PLEKHG7: variants seen among roughly 807,000 people sequenced by gnomAD.
The protein encoded by PLEKHG7 is pleckstrin homology and RhoGEF domain containing G7.
In PLEKHG7, 77 loss-of-function variants were observed where a neutral mutation model predicts 85.2. The observed-to-expected ratio is 0.90, with a 90% CI of 0.75 to 1.09. The LOEUF (loss-of-function observed/expected upper bound fraction) is 1.09, where lower values mean the gene tolerates loss of function less well. Among genes scored for constraint, PLEKHG7 ranks in the 50% least tolerant of loss-of-function variants. The pLI, the probability that PLEKHG7 is intolerant of heterozygous loss-of-function variation, is 0.00. For synonymous variants in PLEKHG7, 301 were observed against 302.4 expected, an observed-to-expected ratio of 1.00 and a Z score of 0.05; for missense variants, 777 against 804.3, an observed-to-expected ratio of 0.97 and a Z score of 0.41.
At chr12:92,766,031 C>A (rs1222629014) in intron 15 of PLEKHG7, among the ~76,000 whole-genome samples, 1 of 152,130 alleles carries the variant, frequency 6.6e-6, no homozygotes, top group Non-Finnish European at 1.5e-5. Context: ...ATCTGCCAAG[C>A]CAGACAGCAG....
intron 5 of PLEKHG7, among the ~76,000 whole-genome samples, chr12:92,736,025 G>A (rs1167409181): frequency 6.6e-6 from 1 of 151,918 alleles, no homozygotes; most frequent in African/African-American, 2.4e-5. Flanking sequence ...TTATTGTTTG[G>A]GGCAACTCGC....
rs1873112114 is a variant in PLEKHG7, at chr12:92,764,030, G to A, written c.1717-11G>A. 2 of 1,589,614 alleles carry A rather than the reference G, an allele frequency of 1.3e-6. No individual in the cohort carries two copies. The highest frequency in any genetic ancestry group is 1.7e-6 in the Non-Finnish European group (2 of 1,168,548). On this transcript the variant is annotated splice_polypyrimidine_tract_variant and intron_variant, in intron 14 of 16. Transcript: ENST00000344636. ...TCTTGTTTATTGCATTATTTTTCTTGTTAATTTCAGAAACTTGGAGGCTCA... is the reference window on the plus strand; with the variant it reads ...TCTTGTTTATTGCATTATTTTTCTTATTAATTTCAGAAACTTGGAGGCTCA...
At chr12:92,712,192 T>C (rs1035733906) in intron 3 of PLEKHG7, among the ~76,000 whole-genome samples, 3 of 152,380 alleles carry the variant, frequency 2.0e-5, no homozygotes. Flanking sequence ...ATCAGTGTAA[T>C]GGACCAGTGT....
Position 92,707,000 on chromosome 12 carries a change from G to T in PLEKHG7, c.369G>T (p.Glu123Asp), listed in dbSNP as rs200496714. The stretch of plus-strand genomic sequence containing the variant: ...CCCTGAATGCAGCTGACTCACTGGA[G>T]CCCCAAACCCGGCCCACTGACAAGT... ...ERALNAADSLEPQTRPTDKYL... is the reference protein window; with the variant it reads ...ERALNAADSLDPQTRPTDKYL... The change falls in exon 2 of 17, where the codon GAG (glutamate) becomes GAT (aspartate). Residue 123 changes from glutamate to aspartate, a missense_variant. Physicochemically the swap from Glu to Asp is conservative, Grantham distance 45. This residue lies in a region of PLEKHG7 where 252 missense variants were observed against 241.9 expected (regional missense o/e 1.04). Coordinates refer to ENST00000344636, the MANE Select transcript of PLEKHG7 (RefSeq NM_001377329.1). 4.3e-6 allele frequency: 7 copies of T among 1,614,046 alleles called. No homozygotes were observed. Among genetic ancestry groups the T allele is most frequent in the Non-Finnish European group, 5.9e-6 (7 of 1,180,008 alleles).
chr12:92,755,262 C>A (rs1872795488), intron 11 of PLEKHG7, among the ~76,000 whole-genome samples: 1 of 152,136 alleles, frequency 6.6e-6, no homozygotes, highest in South Asian at 2.1e-4. Flanking sequence ...CTGAAGGTTC[C>A]ACTAACAATG....
chr12:92,755,982 A>G (rs764523375), intron 12 of PLEKHG7, 42 bp downstream of exon 12: 3 of 1,359,438 alleles, frequency 2.2e-6, no homozygotes, highest in Non-Finnish European at 3.1e-6. Flanking sequence ...CCATTTCTGG[A>G]ATTTGGGCAT....
chr12:92,737,548 A>C (rs547158170), intron 7 of PLEKHG7, 27 bp downstream of exon 7: 22 of 1,600,240 alleles, frequency 1.4e-5, no homozygotes, highest in Admixed American at 1.8e-5. Context: ...TTTTTGTAGT[A>C]GATGGAAAAT....
chr12:92,748,218 G>A (rs1565793893), intron 10 of PLEKHG7, among the ~76,000 whole-genome samples: 3 of 150,752 alleles, frequency 2.0e-5, no homozygotes, highest in African/African-American at 2.4e-5. Context: ...GGGAAAGGTA[G>A]TAGAGGATAA....
chr12:92,756,767 ACT>A (rs1297803051), intron 13 of PLEKHG7, among the ~76,000 whole-genome samples: 1 of 152,114 alleles, frequency 6.6e-6, no homozygotes, highest in Non-Finnish European at 1.5e-5. Context: ...GTTTATGGAG[ACT>A]CTATTATATT....
chr12:92,740,930 C>T lies in PLEKHG7; in HGVS notation c.1017C>T (p.Asn339=). ...LDVDLWRLFA[N]LEELTQTSLG... ...TGGATTTATGGAGACTTTTTGCAAACCTGGAGGAGTTAACTCAGGTGAGCC... is the reference window on the plus strand; with the variant it reads ...TGGATTTATGGAGACTTTTTGCAAATCTGGAGGAGTTAACTCAGGTGAGCC... The change falls in exon 8 of 17, where the codon AAC becomes AAT. Residue 339 remains asparagine, a synonymous_variant. Transcript: ENST00000344636. 2 of 1,610,720 alleles carry T rather than the reference C, an allele frequency of 1.2e-6. No individual in the cohort carries two copies. The highest frequency in any genetic ancestry group is 1.7e-5 in the Admixed American group (1 of 60,002).
intron 3 of PLEKHG7, among the ~76,000 whole-genome samples, chr12:92,727,254 T>TG (rs1871843040): frequency 6.6e-6 from 1 of 152,184 alleles, no homozygotes; most frequent in Non-Finnish European, 1.5e-5. Context: ...GATCTCTCCT[T>TG]GCATCTTTTT....
At chr12:92,718,080 C>T (rs947546559) in intron 3 of PLEKHG7, among the ~76,000 whole-genome samples, 1 of 152,148 alleles carries the variant, frequency 6.6e-6, no homozygotes, top group African/African-American at 2.4e-5. Flanking sequence ...CAATATTATA[C>T]CCCACAGGCT....
At chr12:92,748,916 G>C (rs988727311) in intron 10 of PLEKHG7, among the ~76,000 whole-genome samples, 1 of 152,164 alleles carries the variant, frequency 6.6e-6, no homozygotes, top group Admixed American at 6.5e-5. Flanking sequence ...GCTACATGCT[G>C]GTCATCCATC....
rs144943261 is a variant in PLEKHG7, at chr12:92,722,100, A to G, written c.531-6893A>G. Among the ~76,000 whole-genome samples the G allele has an allele frequency of 2.6e-5, 4 of 152,208 alleles. No individual in the cohort carries two copies. The East Asian group carries it at 7.7e-4, about 29-fold the overall frequency. ...AAAACCCTAATATTTAGAACAGCCA[A>G]AAGAAGATACCAGTTCGGATACACA... On this transcript the variant is annotated intron_variant, in intron 3 of 16. Transcript: ENST00000344636.
At chr12:92,707,193 G>C in intron 2 of PLEKHG7, 55 bp downstream of exon 2, 1 of 1,555,644 alleles carries the variant, frequency 6.4e-7, no homozygotes, top group Non-Finnish European at 8.7e-7. Context: ...AAGCAAAATA[G>C]ATCTCAGAGT....
chr12:92,768,753 C>A lies in PLEKHG7; in HGVS notation c.1871-230C>A, dbSNP rs1225852271. 2.6e-5 allele frequency among the ~76,000 whole-genome samples: 4 copies of A among 151,998 alleles called. No homozygotes were observed. The South Asian group carries it at 8.3e-4, about 32-fold the overall frequency. On this transcript the variant is annotated intron_variant, in intron 15 of 16. Coordinates refer to ENST00000344636, the MANE Select transcript of PLEKHG7 (RefSeq NM_001377329.1). The stretch of plus-strand genomic sequence containing the variant: ...TTCATCAAGTATCAGAAGTCATTAG[C>A]TAAGGAAGAAAGGGTTTTTATAGTA...
rs1871273094 is a variant in PLEKHG7 at position 92,707,587 on chromosome 12, T to G, written c.508-63T>G. ...TCATTGTTTCTCCTTTCAACATGTT[T>G]GCTTTGGAGTTTGGGATGGGTTTGA... On this transcript the variant is annotated intron_variant, in intron 2 of 16. Transcript: ENST00000344636. 3 of 1,584,812 alleles carry G rather than the reference T, an allele frequency of 1.9e-6. No homozygotes were observed. In the Admixed American group the frequency reaches 5.3e-5, roughly 28 times the overall value.
At chr12:92,724,728 C>T (rs1043791287) in intron 3 of PLEKHG7, among the ~76,000 whole-genome samples, 10 of 152,160 alleles carry the variant, frequency 6.6e-5, no homozygotes, top group Admixed American at 5.9e-4. Context: ...CTAAGTCTGT[C>T]CCCTTTGAAA....
intron 10 of PLEKHG7, among the ~76,000 whole-genome samples, chr12:92,747,065 G>C (rs1199644262): frequency 6.6e-6 from 1 of 152,100 alleles, no homozygotes; most frequent in African/African-American, 2.4e-5. Flanking sequence ...CTGCACAGCA[G>C]AAGAAACAAC....
Sources: allele counts gnomAD v4.1 joint callset (sites outside exome capture counted in the v4.1 genomes callset), GRCh38; gene constraint gnomAD v4.1.1; regional missense constraint gnomAD v4.1.1; transcripts MANE v1.5; gene names NCBI Gene and HGNC (gene_info 2026-07-23, HGNC 2026-07-21).